The following AACS variants were observed in gnomAD, a reference collection of about 807,000 sequenced individuals.
The protein encoded by AACS is acetoacetate-CoA ligase.
Under a neutral mutation model 83.1 loss-of-function variants are expected in AACS, and 69 were observed. The ratio of observed to expected loss-of-function variants is 0.83; its 90% CI spans 0.68 to 1.01. AACS has a LOEUF of 1.01. Ranked by LOEUF, AACS falls within the 50% of genes least tolerant of loss-of-function variation. AACS has a pLI of 0.00. For synonymous variants in AACS, 333 were observed against 343.4 expected (o/e 0.97, Z 0.33); for missense variants, 866 against 882.2 (o/e 0.98, Z 0.23).
chr12:125,125,876 G>A (rs2136127308), intron 12 of AACS: 1 of 152,052 alleles, frequency 6.6e-6, no homozygotes, highest in East Asian at 1.9e-4. Flanking sequence ...TTTTGCAGGT[G>A]GAAAACAGGT....
At chr12:125,108,920 C>T (rs1487594831) in intron 8 of AACS, among the ~76,000 whole-genome samples, 1 of 149,578 alleles carries the variant, frequency 6.7e-6, no homozygotes, top group Non-Finnish European at 1.5e-5. Context: ...TGGACTCAAA[C>T]CCCTAGGCTC....
chr12:125,073,022 G>T (rs1433991173), intron 1 of AACS, among the ~76,000 whole-genome samples: 1 of 143,156 alleles, frequency 7.0e-6, no homozygotes, highest in East Asian at 2.1e-4. Flanking sequence ...CGGCCTCCCA[G>T]GTTTAAGCAG....
intron 17 of AACS, among the ~76,000 whole-genome samples, chr12:125,137,995 G>A (rs1325320235): frequency 3.3e-5 from 5 of 152,176 alleles, no homozygotes; most frequent in South Asian, 2.1e-4. Flanking sequence ...TTTGAAACCC[G>A]TAGATCATTC....
chr12:125,115,098 A>T (rs1246173116), intron 9 of AACS, among the ~76,000 whole-genome samples: 1 of 151,978 alleles, frequency 6.6e-6, no homozygotes, highest in Admixed American at 6.6e-5. Flanking sequence ...CCATAACTCA[A>T]CTCAAGGTGT....
intron 3 of AACS, among the ~76,000 whole-genome samples, chr12:125,077,376 G>A (rs1295713106): frequency 3.3e-5 from 5 of 151,898 alleles, no homozygotes; most frequent in African/African-American, 7.3e-5. Flanking sequence ...CAGGCGTGGT[G>A]GCGGGCGCCT....
At chr12:125,106,076 C>T (rs535566457) in intron 7 of AACS, among the ~76,000 whole-genome samples, 3 of 152,356 alleles carry the variant, frequency 2.0e-5, no homozygotes, top group African/African-American at 7.2e-5. Flanking sequence ...GATGCCTTCT[C>T]ATGCAAGACA....
chr12:125,080,496 T>TACA (rs1956145879), intron 3 of AACS, among the ~76,000 whole-genome samples: 1 of 151,612 alleles, frequency 6.6e-6, no homozygotes, highest in South Asian at 2.1e-4. Context: ...CTCTGTTACA[T>TACA]ACAGTATTGG....
chr12:125,075,368 T>C (rs1955997130), intron 2 of AACS, among the ~76,000 whole-genome samples: 1 of 151,926 alleles, frequency 6.6e-6, no homozygotes, highest in Non-Finnish European at 1.5e-5. Flanking sequence ...CTCGGCTCAC[T>C]GCAACCTCCA....
chr12:125,116,797 G>T (rs2136113869), intron 9 of AACS, among the ~76,000 whole-genome samples: 1 of 152,204 alleles, frequency 6.6e-6, no homozygotes, highest in South Asian at 2.1e-4. Flanking sequence ...AGCCTTGGTG[G>T]CAGTTGTTTC....
rs1957474358 is a variant in AACS, at chr12:125,140,737, A to G, written c.1882-1355A>G. On this transcript the variant is annotated intron_variant, in intron 17 of 17. Coordinates refer to ENST00000316519, the MANE Select transcript of AACS (RefSeq NM_023928.5). This position sits in a 1 kb window ranked among gnomAD's most constrained non-coding sequence, Gnocchi z 5.1. ...GGATTCAAGGTGAAACACATGTGCC[A>G]TAAATCTTGGAGCTCTGAATGTTTG... is the stretch of plus-strand genomic sequence containing the variant. 6.6e-6 allele frequency: 1 copy of G among 152,154 alleles called. No individual in the cohort carries two copies. Among genetic ancestry groups the G allele is most frequent in the African/African-American group, 2.4e-5 (1 of 41,428 alleles). 9.4% of individuals were successfully genotyped at this position (152,154 alleles called of 1,614,324 possible).
intron 8 of AACS, among the ~76,000 whole-genome samples, chr12:125,109,259 G>A (rs992892437): frequency 6.6e-6 from 1 of 152,076 alleles, no homozygotes; most frequent in African/African-American, 2.4e-5. Flanking sequence ...AGTCTTCCAA[G>A]TACCTTGGAC....
In AACS at chr12:125,129,561, C is replaced by G. The variant is rs1451832924; in HGVS notation, c.1549+101C>G. ...CGTGCCCCTCCCCTCTTCCTTCCCC[C>G]ACCAGGGCTTGGAGAAGCTGCTTAT... On this transcript the variant is annotated intron_variant, in intron 14 of 17. Transcript: ENST00000316519. The surrounding 1 kb of genome is among the most constrained non-coding windows in gnomAD (Gnocchi z 4.3). 4 of 1,448,014 alleles carry G rather than the reference C, an allele frequency of 2.8e-6. No homozygotes were observed. The highest frequency in any genetic ancestry group is 4.8e-5 in the East Asian group (2 of 41,626). The allele number at this position is 1,448,014 out of a possible 1,614,324, so 89.7% of individuals were successfully genotyped here.
At chr12:125,088,004 C>A (rs1346731195) in intron 4 of AACS, among the ~76,000 whole-genome samples, 4 of 152,144 alleles carry the variant, frequency 2.6e-5, no homozygotes, top group Non-Finnish European at 5.9e-5. Context: ...AAAATGCATC[C>A]CACTCTTCCT....
rs756256590 is a variant in AACS, at chr12:125,118,643, C to T, written c.999C>T (p.Val333=). The change falls in exon 10 of 18, where the codon GTC becomes GTT. Residue 333 remains valine (V), a splice_region_variant and synonymous_variant. Coordinates refer to ENST00000316519, the MANE Select transcript of AACS (RefSeq NM_023928.5). ...SSDILLCYTT[V]GWMMWNWMVS... Reference sequence around the variant, plus strand: ...CCGCATCCCTCCTGTCTTTGCAGGTCGGCTGGATGATGTGGAACTGGATGG... The same window carrying T: ...CCGCATCCCTCCTGTCTTTGCAGGTTGGCTGGATGATGTGGAACTGGATGG... 1.6e-5 allele frequency: 26 copies of T among 1,613,880 alleles called. No homozygotes were observed. Among genetic ancestry groups the T allele is most frequent in the Admixed American group, 6.7e-5 (4 of 59,984 alleles).
intron 3 of AACS, among the ~76,000 whole-genome samples, chr12:125,083,652 T>G (rs374842589): frequency 1.2e-4 from 19 of 152,116 alleles, no homozygotes; most frequent in Middle Eastern, 3.4e-3. Context: ...AAGTGAATTT[T>G]TTTGTTTGTT....
chr12:125,122,395 G>A (rs1423065251), intron 10 of AACS: 1 of 152,178 alleles, frequency 6.6e-6, no homozygotes, highest in East Asian at 1.9e-4. Flanking sequence ...CAGCACTTTG[G>A]GAGGCTGAGG....
At chr12:125,107,542 G>A (rs1565942189) in intron 8 of AACS, among the ~76,000 whole-genome samples, 1 of 152,240 alleles carries the variant, frequency 6.6e-6, no homozygotes, top group South Asian at 2.1e-4. Context: ...TGGGGGTGGG[G>A]GGTGCGCTGG....
At position 125,080,326 on chromosome 12, in the gene AACS, A is replaced by T. The variant is rs187466285; in HGVS notation, c.358+3715A>T. Reference sequence around the variant, plus strand: ...TGGGAACGGTCAAATGTGAATCCTTAAAAAAAACCCAAAAACCCAAAACTA... The same window carrying T: ...TGGGAACGGTCAAATGTGAATCCTTTAAAAAAACCCAAAAACCCAAAACTA... On this transcript the variant is annotated intron_variant, in intron 3 of 17. Coordinates refer to ENST00000316519, the MANE Select transcript of AACS (RefSeq NM_023928.5). Among the ~76,000 whole-genome samples, 583 of 152,146 alleles carry T rather than the reference A, an allele frequency of 3.8e-3. 2 individuals are homozygous for T. The highest frequency in any genetic ancestry group is 6.4e-3 in the Non-Finnish European group (438 of 67,996).
Position 125,094,977 on chromosome 12 carries a change from CCGTGTGTGTGTGTGTG to C in AACS, c.570+3455_570+3470del, listed in dbSNP as rs1218024775. Among the ~76,000 whole-genome samples the C allele has an allele frequency of 8.1e-6, 1 of 122,956 alleles. No individual in the cohort carries two copies. The highest frequency in any genetic ancestry group is 1.7e-5 in the Non-Finnish European group (1 of 59,684). 80.7% of individuals were successfully genotyped at this position (122,956 alleles called of 152,430 possible). A position where few individuals can be genotyped will look rare whatever the true frequency, so the allele number is the denominator to read the frequency against. On this transcript the variant is annotated intron_variant, in intron 5 of 17. Coordinates refer to ENST00000316519, the MANE Select transcript of AACS (RefSeq NM_023928.5). The surrounding 1 kb of genome is among the most constrained non-coding windows in gnomAD (Gnocchi z 4.1). ...GTCCTCCTGAAGTGCCATCAGGTGG[CCGTGTGTGTGTGTGTG>C]TGTGTGTGTGTGTGTGTGTGTGTGT...
Sources: allele counts gnomAD v4.1 joint callset (sites outside exome capture counted in the v4.1 genomes callset), GRCh38; gene constraint gnomAD v4.1.1; non-coding constraint Gnocchi (gnomAD v3.1); transcripts MANE v1.5; gene names NCBI Gene and HGNC (gene_info 2026-07-23, HGNC 2026-07-21).